PTK2: variants seen among roughly 807,000 people sequenced by gnomAD.
PTK2 encodes focal adhesion kinase 1.
Under a neutral mutation model 150.1 loss-of-function variants are expected in PTK2, and 45 were observed. That is an observed-to-expected ratio of 0.30 (90% CI 0.24 to 0.38). The LOEUF is 0.38. Ranked by LOEUF, PTK2 falls within the 10% of genes least tolerant of loss-of-function variation. The probability of loss-of-function intolerance (pLI) is 1.00; values close to 1 mark genes in which losing one functional copy is unlikely to be tolerated. For synonymous variants in PTK2, 432 were observed against 449.2 expected, an observed-to-expected ratio of 0.96 and a Z score of 0.48; for missense variants, 919 against 1,307.3, an observed-to-expected ratio of 0.70 and a Z score of 4.58.
intron 1 of PTK2, among the ~76,000 whole-genome samples, chr8:140,973,268 C>T (rs957784995): frequency 6.6e-6 from 1 of 152,156 alleles, no homozygotes; most frequent in African/African-American, 2.4e-5. Flanking sequence ...TCCGATAAAG[C>T]TGTCTTTGTT....
chr8:140,993,511 A>C (rs1338723065), intron 1 of PTK2, among the ~76,000 whole-genome samples: 1 of 152,224 alleles, frequency 6.6e-6, no homozygotes, highest in Admixed American at 6.5e-5. Context: ...TTACATTCTC[A>C]CAAGACAACA....
intron 1 of PTK2, among the ~76,000 whole-genome samples, chr8:140,936,195 G>T (rs2100173569): frequency 6.6e-6 from 1 of 152,108 alleles, no homozygotes; most frequent in South Asian, 2.1e-4. Flanking sequence ...GAACCTTCTA[G>T]TTTTGTGAAT....
chr8:140,902,928 T>TTTGG (rs1434022744), intron 2 of PTK2, among the ~76,000 whole-genome samples: 1 of 62,552 alleles, frequency 1.6e-5, no homozygotes, highest in Admixed American at 2.2e-4. Flanking sequence ...AGAGTTGTTT[T>TTTGG]TTTTTTTTTT....
intron 10 of PTK2, among the ~76,000 whole-genome samples, chr8:140,816,426 T>C (rs564357894): frequency 5.1e-4 from 78 of 152,364 alleles, no homozygotes; most frequent in African/African-American, 1.8e-3. Flanking sequence ...CAGCAGCATT[T>C]AATGAGATTT....
At chr8:140,897,765 A>T (rs2100156866) in intron 2 of PTK2, among the ~76,000 whole-genome samples, 1 of 152,140 alleles carries the variant, frequency 6.6e-6, no homozygotes, top group Middle Eastern at 3.2e-3. Flanking sequence ...TTTGCTTCTG[A>T]TCCATGGCTA....
chr8:140,886,088 T>C (rs1175789849), intron 3 of PTK2, among the ~76,000 whole-genome samples: 2 of 152,178 alleles, frequency 1.3e-5, no homozygotes, highest in African/African-American at 4.8e-5. Flanking sequence ...GGGTAGGTTC[T>C]GGATATATTT....
chr8:140,941,589 C>CT (rs2100175779), intron 1 of PTK2, among the ~76,000 whole-genome samples: 1 of 152,144 alleles, frequency 6.6e-6, no homozygotes, highest in African/African-American at 2.4e-5. Context: ...CAACTTTCTA[C>CT]TTTGATTCCA....
intron 29 of PTK2, chr8:140,672,018 C>G (rs2095581368): frequency 8.5e-6 from 3 of 353,980 alleles, no homozygotes; most frequent in South Asian, 6.5e-5. Flanking sequence ...ATACCCTATC[C>G]TAATTGTATG....
At chr8:140,784,783 T>A (rs1378978340) in intron 14 of PTK2, among the ~76,000 whole-genome samples, 16 of 152,242 alleles carry the variant, frequency 1.1e-4, no homozygotes, top group Admixed American at 9.8e-4. Context: ...CACATGTTGT[T>A]CTGTTAGATA....
chr8:140,851,270 T>C (rs529149420), intron 5 of PTK2, among the ~76,000 whole-genome samples: 1 of 152,346 alleles, frequency 6.6e-6, no homozygotes, highest in South Asian at 2.1e-4. Context: ...ACAATTACGC[T>C]ACCTTAATGA....
intron 1 of PTK2, among the ~76,000 whole-genome samples, chr8:140,998,718 CTG>C (rs571642395): frequency 5.5e-4 from 82 of 150,250 alleles, no homozygotes; most frequent in Middle Eastern, 6.9e-3. Flanking sequence ...ACTTGGGAGG[CTG>C]AAGCAGGAGA....
rs745714715 is a variant in PTK2 at position 140,686,627 on chromosome 8, C to G, written c.2562+5G>C. ...AATCAAATCCTGCTGAAAACTCAGG[C>G]TTACCGGACCCTGAAGACTTCCATC... is the stretch of plus-strand genomic sequence containing the variant. On this transcript the variant is annotated splice_donor_5th_base_variant and intron_variant, in intron 27 of 31. Transcript: ENST00000522684. The G allele has an allele frequency of 6.2e-7, 1 of 1,612,180 alleles. No homozygotes were observed. Among genetic ancestry groups the G allele is most frequent in the Non-Finnish European group, 8.5e-7 (1 of 1,178,252 alleles).
chr8:140,694,880 C>T (rs749724214), intron 26 of PTK2, among the ~76,000 whole-genome samples: 8 of 152,228 alleles, frequency 5.3e-5, no homozygotes, highest in South Asian at 2.1e-4. Flanking sequence ...GACAGTGTCA[C>T]GAGAGCTTCT....
chr8:140,845,346 C>A lies in PTK2; in HGVS notation c.593+914G>T, dbSNP rs138474534. ...CATAAGAATGGTATTCTATCTACCC[C>A]CAACCAACTCAGTTTCCTAACCTTT... On this transcript the variant is annotated intron_variant, in intron 7 of 31. Coordinates refer to ENST00000522684, the Ensembl canonical transcript of PTK2. 8.1e-3 allele frequency among the ~76,000 whole-genome samples: 1,238 copies of A among 152,144 alleles called. 12 individuals carry two copies. The highest frequency in any genetic ancestry group is 0.014 in the Non-Finnish European group (933 of 68,008).
At chr8:140,753,456 A>T (rs2100063924) in intron 16 of PTK2, among the ~76,000 whole-genome samples, 1 of 152,324 alleles carries the variant, frequency 6.6e-6, no homozygotes, top group Admixed American at 6.5e-5. Context: ...AAGAAATCTG[A>T]ACTGGACATA....
intron 27 of PTK2, chr8:140,675,790 G>C (rs1166224992): frequency 1.9e-5 from 5 of 266,910 alleles, no homozygotes; most frequent in African/African-American, 6.6e-5. Flanking sequence ...ACACAGCTGA[G>C]GAGAATGTAA....
At chr8:140,961,954 T>C (rs906141093) in intron 1 of PTK2, among the ~76,000 whole-genome samples, 75 of 152,194 alleles carry the variant, frequency 4.9e-4, no homozygotes, top group African/African-American at 1.5e-3. Context: ...TTAGTATCTT[T>C]AAACTCAAAA....
At chr8:140,697,802 T>C (rs1334426954) in intron 26 of PTK2, among the ~76,000 whole-genome samples, 3 of 150,874 alleles carry the variant, frequency 2.0e-5, no homozygotes, top group Admixed American at 1.3e-4. Context: ...TTTTAGATAA[T>C]ATATTGTAGG....
chr8:140,990,219 C>A (rs1436144753), intron 1 of PTK2, among the ~76,000 whole-genome samples: 2 of 148,110 alleles, frequency 1.4e-5, no homozygotes, highest in Non-Finnish European at 3.0e-5. Flanking sequence ...ATAACTTTAA[C>A]TCTCCTTGAC....
Sources: allele counts gnomAD v4.1 joint callset (sites outside exome capture counted in the v4.1 genomes callset), GRCh38; gene constraint gnomAD v4.1.1; transcripts MANE v1.5; gene names NCBI Gene and HGNC (gene_info 2026-07-23, HGNC 2026-07-21).